The following TRPC6 variants were observed in gnomAD, a reference collection of about 807,000 sequenced individuals.
TRPC6 encodes short transient receptor potential channel 6.
TRPC6 carries 55 observed loss-of-function variants against 90.7 expected under a neutral mutation model. The observed-to-expected ratio is 0.61, with a 90% CI of 0.49 to 0.76. The LOEUF is 0.76. TRPC6 is among the 30% of genes least tolerant of loss of function. TRPC6 has a pLI of 0.00. For missense variants in TRPC6, 989 were observed against 1,122.7 expected (o/e 0.88, Z 1.70); for synonymous variants, 393 against 393.0 (o/e 1.00, Z 0.00).
At chr11:101,528,532 A>G (rs940415167) in intron 1 of TRPC6, among the ~76,000 whole-genome samples, 2 of 152,224 alleles carry the variant, frequency 1.3e-5, no homozygotes, top group African/African-American at 4.8e-5. Flanking sequence ...TCTATATTAC[A>G]TGAGGCAACA....
chr11:101,556,462 A>G (rs1182555788), intron 1 of TRPC6, among the ~76,000 whole-genome samples: 3 of 152,194 alleles, frequency 2.0e-5, no homozygotes, highest in Non-Finnish European at 2.9e-5. Context: ...AACCTAGAAG[A>G]AATAAATTCC....
chr11:101,471,497 C>A, intron 8 of TRPC6, 111 bp from the exon 9 acceptor site: 2 of 1,098,946 alleles, frequency 1.8e-6, no homozygotes, highest in South Asian at 2.6e-5. Flanking sequence ...CACTCTCAGA[C>A]CCCAGTGATC....
intron 10 of TRPC6, among the ~76,000 whole-genome samples, chr11:101,467,917 G>A (rs1208797343): frequency 1.3e-5 from 2 of 152,152 alleles, no homozygotes; most frequent in African/African-American, 4.8e-5. Context: ...TTGTAGCTCT[G>A]TTAAATACCT....
intron 6 of TRPC6, among the ~76,000 whole-genome samples, chr11:101,474,197 A>G (rs182485226): frequency 3.2e-4 from 48 of 152,324 alleles, no homozygotes; most frequent in Non-Finnish European, 3.8e-4. Flanking sequence ...GCGTTTAGCA[A>G]GTGCCTGGCA....
intron 1 of TRPC6, among the ~76,000 whole-genome samples, chr11:101,580,053 G>C (rs1293747135): frequency 6.6e-6 from 1 of 152,048 alleles, no homozygotes; most frequent in Non-Finnish European, 1.5e-5. Flanking sequence ...GTACTGCCAG[G>C]TGTCTGTAAC....
Position 101,484,884 on chromosome 11 carries a change from C to T in TRPC6, c.1294-1719G>A, listed in dbSNP as rs145523393. Among the ~76,000 whole-genome samples the T allele has an allele frequency of 2.6e-5, 4 of 151,622 alleles. No individual in the cohort carries two copies. The East Asian group carries it at 5.8e-4, about 22-fold the overall frequency. ...ACATATATTTGTACATATTTATGGG[C>T]GGTATATAGTGATGTGTCAATACGT... On this transcript the variant is annotated intron_variant, in intron 4 of 12. Transcript: ENST00000344327.
At chr11:101,545,150 T>C (rs1008512250) in intron 1 of TRPC6, among the ~76,000 whole-genome samples, 2 of 152,094 alleles carry the variant, frequency 1.3e-5, no homozygotes, top group Admixed American at 6.5e-5. Context: ...GTCAGCCCTA[T>C]GTATCCATGG....
intron 2 of TRPC6, among the ~76,000 whole-genome samples, chr11:101,501,258 A>G (rs1314326716): frequency 8.0e-6 from 1 of 124,784 alleles, no homozygotes; most frequent in Non-Finnish European, 1.7e-5. Flanking sequence ...TGACTATTTA[A>G]AAAGATTTTA....
At chr11:101,496,729 A>C (rs1007995040) in intron 2 of TRPC6, among the ~76,000 whole-genome samples, 1 of 152,160 alleles carries the variant, frequency 6.6e-6, no homozygotes, top group African/African-American at 2.4e-5. Flanking sequence ...GAAGGTAAAC[A>C]GATTGTTTCA....
intron 1 of TRPC6, among the ~76,000 whole-genome samples, chr11:101,554,408 T>TAA (rs34328477): frequency 0.16 from 23,974 of 149,336 alleles, 2,311 homozygotes; most frequent in East Asian, 0.46. Context: ...AGAGCAATAG[T>TAA]AAAAAAAAAA....
intron 1 of TRPC6, among the ~76,000 whole-genome samples, chr11:101,560,883 A>C (rs1047256583): frequency 6.6e-6 from 1 of 152,166 alleles, no homozygotes; most frequent in Admixed American, 6.6e-5. Context: ...AGGAGAGTTA[A>C]TGTTGGTGAG....
At chr11:101,490,721 G>T (rs1372051233) in intron 3 of TRPC6, among the ~76,000 whole-genome samples, 2 of 152,218 alleles carry the variant, frequency 1.3e-5, no homozygotes, top group Non-Finnish European at 2.9e-5. Flanking sequence ...CTCCCAAAGT[G>T]CTGGGATTAC....
At chr11:101,468,771 C>G (rs756414336) in intron 10 of TRPC6, among the ~76,000 whole-genome samples, 1 of 152,156 alleles carries the variant, frequency 6.6e-6, no homozygotes, top group East Asian at 1.9e-4. Context: ...TTTAAACCAC[C>G]ATGATTTGGA....
intron 1 of TRPC6, among the ~76,000 whole-genome samples, chr11:101,553,485 G>C (rs11224846): frequency 0.34 from 52,306 of 151,850 alleles, 9,271 homozygotes; most frequent in East Asian, 0.44. Context: ...CTCCTATTGC[G>C]TTCCTCACCT....
At chr11:101,501,218 G>A (rs1378980142) in intron 2 of TRPC6, among the ~76,000 whole-genome samples, 1 of 150,894 alleles carries the variant, frequency 6.6e-6, no homozygotes. Context: ...AGCCCTCAGT[G>A]ACTTTTATTT....
At chr11:101,554,741 C>T (rs1861524215) in intron 1 of TRPC6, among the ~76,000 whole-genome samples, 1 of 152,140 alleles carries the variant, frequency 6.6e-6, no homozygotes, top group Non-Finnish European at 1.5e-5. Flanking sequence ...TCTTTATTAA[C>T]TAAAAGTTAA....
In TRPC6 at chr11:101,509,314, G is replaced by C. The variant is rs35726615; in HGVS notation, c.171-4516C>G. On this transcript the variant is annotated intron_variant, in intron 1 of 12. Coordinates refer to ENST00000344327, the MANE Select transcript of TRPC6 (RefSeq NM_004621.6). ...GGGTCTCGCCATATTGCCCAGGCTG[G>C]TATCAAACTCGTGGGCTCAAGTATC... is the stretch of plus-strand genomic sequence containing the variant. Among the ~76,000 whole-genome samples the C allele has an allele frequency of 7.8e-3, 1,182 of 151,772 alleles. 9 individuals are homozygous for C. Among genetic ancestry groups the C allele is most frequent in the Middle Eastern group, 0.014 (4 of 294 alleles).
At chr11:101,532,566 G>C (rs1860932102) in intron 1 of TRPC6, among the ~76,000 whole-genome samples, 1 of 152,202 alleles carries the variant, frequency 6.6e-6, no homozygotes, top group Non-Finnish European at 1.5e-5. Flanking sequence ...CATCAGGACT[G>C]TCCAAGAGGT....
At chr11:101,469,306 G>A (rs931809474) in intron 10 of TRPC6, 121 bp downstream of exon 10, 1 of 650,828 alleles carries the variant, frequency 1.5e-6, no homozygotes, top group Non-Finnish European at 2.8e-6. Context: ...TGTTAAAATA[G>A]TTGAATTATT....
Sources: allele counts gnomAD v4.1 joint callset (sites outside exome capture counted in the v4.1 genomes callset), GRCh38; gene constraint gnomAD v4.1.1; transcripts MANE v1.5; gene names NCBI Gene and HGNC (gene_info 2026-07-23, HGNC 2026-07-21).